NRDE2: variants seen among roughly 807,000 people sequenced by gnomAD.
NRDE2 encodes nuclear exosome regulator NRDE2.
A neutral mutation model predicts 124.2 loss-of-function variants in NRDE2; 76 were observed. That is an observed-to-expected ratio of 0.61 (90% confidence interval 0.51 to 0.74). The LOEUF (loss-of-function observed/expected upper bound fraction) is 0.74, where lower values mean the gene tolerates loss of function less well. Among genes scored for constraint, NRDE2 ranks in the 30% least tolerant of loss-of-function variants. NRDE2 has a pLI of 0.00. For missense variants in NRDE2, 1,314 were observed against 1,417.3 expected (o/e 0.93, Z 1.17); for synonymous variants, 489 against 528.1 (o/e 0.93, Z 1.01).
chr14:90,300,371 G>A (rs1422105799), intron 7 of NRDE2, among the ~76,000 whole-genome samples: 1 of 152,058 alleles, frequency 6.6e-6, no homozygotes, highest in Non-Finnish European at 1.5e-5. Flanking sequence ...GATAAAAATG[G>A]TCTTTACTGG....
At position 90,321,237 on chromosome 14, in the gene NRDE2, C is replaced by T. The variant is rs77211037; in HGVS notation, c.65-3124G>A. 9.6e-3 allele frequency among the ~76,000 whole-genome samples: 1,468 copies of T among 152,126 alleles called. 27 individuals are homozygous for T. Among genetic ancestry groups the T allele is most frequent in the African/African-American group, 0.034 (1,424 of 41,502 alleles). On this transcript the variant is annotated intron_variant, in intron 1 of 13. Coordinates refer to ENST00000354366, the MANE Select transcript of NRDE2 (RefSeq NM_017970.4). ...AGTCCTTCAGAAGACACAAGAAAGG[C>T]TTTTTAAATTTGAGAGATGGGGTCT... is the stretch of plus-strand genomic sequence containing the variant.
rs1465315946 is a variant in NRDE2 at position 90,278,097 on chromosome 14, C to T, written c.*239G>A. 2 of 413,052 alleles carry T rather than the reference C, an allele frequency of 4.8e-6. No individual in the cohort carries two copies. The highest frequency in any genetic ancestry group is 9.0e-6 in the Non-Finnish European group (2 of 222,424). The allele number at this position is 413,052 out of a possible 1,614,324, so 25.6% of individuals were successfully genotyped here. ...GGTTTAATGACCACGTGGCATGACT[C>T]TCTGGCTATGTACATATATACACAT... On this transcript the variant is annotated 3_prime_UTR_variant, in exon 14 of 14. Transcript: ENST00000354366.
rs771225945 is a variant in NRDE2, at chr14:90,302,725, A to G, written c.1406T>C (p.Met469Thr). The G allele has an allele frequency of 6.2e-7, 1 of 1,602,966 alleles. No individual in the cohort carries two copies. The highest frequency in any genetic ancestry group is 1.1e-5 in the South Asian group (1 of 89,714). Reference protein sequence around the residue: ...HPALPGTEEAMFALFLQQCHF... With the variant: ...HPALPGTEEATFALFLQQCHF... ...GGATCTGGTTATCTCCTTACCAAAC[A>G]TGGCCTCTTCCGTGCCAGGCAACGC... The change falls in exon 6 of 14, where the codon ATG (methionine) becomes ACG (threonine). Residue 469 changes from methionine to threonine, a missense_variant. Physicochemically the swap from Met to Thr is moderately conservative, Grantham distance 81 (BLOSUM62 -1). Coordinates refer to ENST00000354366, the MANE Select transcript of NRDE2 (RefSeq NM_017970.4).
Position 90,278,218 on chromosome 14 carries a change from GAGAA to G in NRDE2, c.*114_*117del. The G allele has an allele frequency of 8.0e-7, 1 of 1,249,272 alleles. No homozygotes were observed. The highest frequency in any genetic ancestry group is 1.1e-6 in the Non-Finnish European group (1 of 885,540). The allele number at this position is 1,249,272 out of a possible 1,614,324, so 77.4% of individuals were successfully genotyped here. A position where few individuals can be genotyped will look rare whatever the true frequency, so the allele number is the denominator to read the frequency against. On this transcript the variant is annotated 3_prime_UTR_variant, in exon 14 of 14. Coordinates refer to ENST00000354366, the MANE Select transcript of NRDE2 (RefSeq NM_017970.4). ...GCTGGCAGCCCACATTATTACTATCGAGAAAGAACATTTCAAAAGCCGAGTTCTC... is the reference window on the plus strand; with the variant it reads ...GCTGGCAGCCCACATTATTACTATCGAGAACATTTCAAAAGCCGAGTTCTC...
rs1203964369 is a variant in NRDE2, at chr14:90,278,354, C to A, written c.3477G>T (p.Glu1159Asp). 6.2e-7 allele frequency: 1 copy of A among 1,614,008 alleles called. No individual in the cohort carries two copies. Among genetic ancestry groups the A allele is most frequent in the Non-Finnish European group, 8.5e-7 (1 of 1,179,974 alleles). The change falls in exon 14 of 14, where the codon GAG becomes GAT. Residue 1159 changes from glutamate to aspartate, a missense_variant. Glu to Asp is a conservative substitution (Grantham distance 45, BLOSUM62 2). Coordinates refer to ENST00000354366, the MANE Select transcript of NRDE2 (RefSeq NM_017970.4). The stretch of plus-strand genomic sequence containing the variant: ...CTGCTCTCTAATCCTCCAGCAGCAG[C>A]TCCAGCTCCTCCAGCGGCAGGCGCA... ...LRVRLPLEELELLLED is the reference protein window; with the variant it reads ...LRVRLPLEELDLLLED
At chr14:90,284,628 CAA>C (rs1256916528) in intron 12 of NRDE2, among the ~76,000 whole-genome samples, 43 of 152,248 alleles carry the variant, frequency 2.8e-4, no homozygotes. Context: ...CTCAGCCTCC[CAA>C]AGTGCTGGGA....
At chr14:90,282,980 A>G (rs1242931067) in intron 12 of NRDE2, among the ~76,000 whole-genome samples, 2 of 152,248 alleles carry the variant, frequency 1.3e-5, no homozygotes, top group African/African-American at 2.4e-5. Flanking sequence ...ATGTATGTGC[A>G]TATGTATAAG....
chr14:90,314,646 G>A (rs777262808), intron 3 of NRDE2, among the ~76,000 whole-genome samples: 2 of 152,150 alleles, frequency 1.3e-5, no homozygotes, highest in Non-Finnish European at 2.9e-5. Context: ...TTGGGAAGAC[G>A]TAACAATTAA....
chr14:90,295,605 T>C (rs10140956), intron 8 of NRDE2, among the ~76,000 whole-genome samples: 1 of 152,146 alleles, frequency 6.6e-6, no homozygotes, highest in African/African-American at 2.4e-5. Flanking sequence ...CACACATTCA[T>C]GTATAACAAC....
At chr14:90,307,744 C>T (rs1479015820) in intron 4 of NRDE2, among the ~76,000 whole-genome samples, 1 of 152,188 alleles carries the variant, frequency 6.6e-6, no homozygotes, top group Non-Finnish European at 1.5e-5. Context: ...TGAGCCACTG[C>T]ACCCAACTAC....
intron 1 of NRDE2, among the ~76,000 whole-genome samples, chr14:90,319,972 A>G (rs781452997): frequency 6.6e-6 from 1 of 152,160 alleles, no homozygotes; most frequent in South Asian, 2.1e-4. Context: ...GTTTCTCCAT[A>G]TCCTTTTTTG....
At chr14:90,282,881 G>A (rs538165551) in intron 12 of NRDE2, among the ~76,000 whole-genome samples, 7 of 152,220 alleles carry the variant, frequency 4.6e-5, no homozygotes, top group East Asian at 3.9e-4. Context: ...TGGCCAGGCC[G>A]GTCTCGAACT....
At chr14:90,295,319 T>A (rs1217644458) in intron 8 of NRDE2, among the ~76,000 whole-genome samples, 2 of 152,170 alleles carry the variant, frequency 1.3e-5, no homozygotes, top group African/African-American at 4.8e-5. Context: ...AATAATAATA[T>A]ATTGTGTATA....
At chr14:90,307,238 T>C (rs186050520) in intron 4 of NRDE2, among the ~76,000 whole-genome samples, 134 of 152,346 alleles carry the variant, frequency 8.8e-4, no homozygotes, top group African/African-American at 3.2e-3. Context: ...AAAATATAAT[T>C]TGTATTGACT....
intron 8 of NRDE2, among the ~76,000 whole-genome samples, chr14:90,296,729 G>A (rs755364569): frequency 6.6e-6 from 1 of 152,172 alleles, no homozygotes; most frequent in African/African-American, 2.4e-5. Flanking sequence ...CATCTGCCTG[G>A]CAGATCTCTC....
chr14:90,303,454 T>A (rs74453747), intron 5 of NRDE2, among the ~76,000 whole-genome samples: 3 of 152,242 alleles, frequency 2.0e-5, no homozygotes, highest in Non-Finnish European at 4.4e-5. Flanking sequence ...GGTAATTGTA[T>A]GAGTGGTTCA....
At chr14:90,316,872 T>C in intron 2 of NRDE2, 61 bp from the exon 3 acceptor site, 1 of 1,074,504 alleles carries the variant, frequency 9.3e-7, no homozygotes, top group South Asian at 1.5e-5. Flanking sequence ...AATAATACTA[T>C]GTAAATAAGT....
chr14:90,318,537 T>C (rs1885132271), intron 1 of NRDE2, among the ~76,000 whole-genome samples: 1 of 152,164 alleles, frequency 6.6e-6, no homozygotes, highest in South Asian at 2.1e-4. Context: ...TGGTGGCTCA[T>C]GCCTGTAATC....
chr14:90,309,305 T>C (rs1461796054), intron 4 of NRDE2, among the ~76,000 whole-genome samples: 6 of 147,900 alleles, frequency 4.1e-5, no homozygotes, highest in Admixed American at 2.0e-4. Flanking sequence ...TTTAGTGGCA[T>C]ACGGGAAAAA....
Sources: gnomAD v4.1 joint callset for allele counts (sites outside exome capture counted in the v4.1 genomes callset) on GRCh38, gnomAD v4.1.1 for gene constraint, MANE v1.5 for transcripts, NCBI Gene and HGNC (gene_info 2026-07-23, HGNC 2026-07-21) for gene names.